Variants in SOX6 observed in about 807,000 individuals in gnomAD.
SOX6 encodes transcription factor SOX-6.
Under a neutral mutation model 97.8 loss-of-function variants are expected in SOX6, and 11 were observed. The observed-to-expected ratio is 0.11, with a 90% CI of 0.07 to 0.19. The LOEUF is 0.19. SOX6 is among the 10% of genes least tolerant of loss of function. The probability of loss-of-function intolerance (pLI) is 1.00; values close to 1 mark genes in which losing one functional copy is unlikely to be tolerated. For missense variants in SOX6, 810 were observed against 1,039.5 expected, an observed-to-expected ratio of 0.78 and a Z score of 3.04; for synonymous variants, 360 against 371.4, an observed-to-expected ratio of 0.97 and a Z score of 0.35.
intron 1 of SOX6, among the ~76,000 whole-genome samples, chr11:16,366,401 G>A: frequency 6.6e-6 from 1 of 152,072 alleles, no homozygotes; most frequent in East Asian, 1.9e-4. Context: ...ACCATAAAGA[G>A]CTATTTCAAG....
intron 6 of SOX6, among the ~76,000 whole-genome samples, chr11:16,141,826 A>G (rs558241037): frequency 6.6e-6 from 1 of 152,162 alleles, no homozygotes; most frequent in Admixed American, 6.5e-5. Context: ...GCCATTGCTG[A>G]GCCTTGAGTT....
At chr11:16,544,022 T>A (rs1284067469) in intron 4 of SOX6, among the ~76,000 whole-genome samples, 1 of 152,088 alleles carries the variant, frequency 6.6e-6, no homozygotes, top group Non-Finnish European at 1.5e-5. Flanking sequence ...AGCTACACAA[T>A]GAAATAGTAT....
At chr11:16,274,842 C>T (rs1307977611) in intron 3 of SOX6, among the ~76,000 whole-genome samples, 1 of 152,000 alleles carries the variant, frequency 6.6e-6, no homozygotes, top group Non-Finnish European at 1.5e-5. Flanking sequence ...AATTATTAGG[C>T]CTTTTGGCTT....
At chr11:16,498,295 G>C (rs1336594468) in intron 4 of SOX6, among the ~76,000 whole-genome samples, 4 of 152,128 alleles carry the variant, frequency 2.6e-5, no homozygotes, top group African/African-American at 7.2e-5. Context: ...CCCTAAAAGA[G>C]CTCCTGAAGG....
intron 4 of SOX6, among the ~76,000 whole-genome samples, chr11:16,567,733 A>ATTTTTT (rs58565035): frequency 3.1e-5 from 4 of 129,618 alleles, no homozygotes; most frequent in Admixed American, 7.7e-5. Flanking sequence ...CGCCTGGCTG[A>ATTTTTT]TTTTTTTTTT....
chr11:16,055,457 G>A (rs77618512), intron 10 of SOX6, among the ~76,000 whole-genome samples: 7,647 of 152,092 alleles, frequency 0.05, 637 homozygotes, highest in African/African-American at 0.17. Context: ...TGGCAATAAA[G>A]TCATGGCAAT....
chr11:16,153,970 A>T (rs1246695607), intron 6 of SOX6, among the ~76,000 whole-genome samples: 1 of 152,154 alleles, frequency 6.6e-6, no homozygotes, highest in Admixed American at 6.6e-5. Flanking sequence ...TGAAAACAAA[A>T]CCCATGGCTT....
At chr11:16,022,373 T>TCCTCCCTC (rs1393853893) in intron 12 of SOX6, among the ~76,000 whole-genome samples, 3 of 132,558 alleles carry the variant, frequency 2.3e-5, no homozygotes, top group African/African-American at 2.9e-5. Flanking sequence ...CTTCCTTCCT[T>TCCTCCCTC]CCTCCCTCCC....
At chr11:16,724,961 CA>C (rs1848295881) in intron 2 of SOX6, among the ~76,000 whole-genome samples, 3 of 152,114 alleles carry the variant, frequency 2.0e-5, no homozygotes, top group African/African-American at 7.2e-5. Flanking sequence ...GACAGTTCCT[CA>C]AAAAGTTAAA....
At chr11:16,567,733 A>ATTTTTTTT (rs58565035) in intron 4 of SOX6, among the ~76,000 whole-genome samples, 2 of 129,634 alleles carry the variant, frequency 1.5e-5, no homozygotes. Context: ...CGCCTGGCTG[A>ATTTTTTTT]TTTTTTTTTT....
intron 3 of SOX6, among the ~76,000 whole-genome samples, chr11:16,256,351 C>A (rs566097519): frequency 6.6e-6 from 1 of 151,930 alleles, no homozygotes; most frequent in East Asian, 1.9e-4. Flanking sequence ...GAATTATATA[C>A]CACAATCAAG....
At chr11:16,061,303 C>CA (rs67980023) in intron 9 of SOX6, among the ~76,000 whole-genome samples, 62,407 of 121,080 alleles carry the variant, frequency 0.52, 15,135 homozygotes, top group Non-Finnish European at 0.62. Flanking sequence ...ACAATAGCTA[C>CA]AAAAAAAAAA....
At chr11:16,720,173 C>T (rs368957963) in intron 2 of SOX6, among the ~76,000 whole-genome samples, 12 of 151,332 alleles carry the variant, frequency 7.9e-5, no homozygotes, top group African/African-American at 2.7e-4. Flanking sequence ...TACCATTTGA[C>T]CCAGCCATCC....
At chr11:16,010,174 A>AC (rs1818893073) in intron 13 of SOX6, among the ~76,000 whole-genome samples, 1 of 148,846 alleles carries the variant, frequency 6.7e-6, no homozygotes, top group East Asian at 2.0e-4. Flanking sequence ...ACACACACAC[A>AC]AATAAAGCTT....
intron 1 of SOX6, among the ~76,000 whole-genome samples, chr11:16,737,140 G>A (rs1848397416): frequency 6.6e-6 from 1 of 152,160 alleles, no homozygotes; most frequent in South Asian, 2.1e-4. Context: ...TAATAGCTAA[G>A]CATTGTTTCA....
chr11:16,566,127 T>G (rs1198124440), intron 4 of SOX6, among the ~76,000 whole-genome samples: 1 of 148,044 alleles, frequency 6.8e-6, no homozygotes, highest in Non-Finnish European at 1.5e-5. Context: ...ATAGACCACA[T>G]AAGCAAAAGC....
At chr11:16,091,058 T>C (rs1014949934) in intron 9 of SOX6, among the ~76,000 whole-genome samples, 2 of 152,208 alleles carry the variant, frequency 1.3e-5, no homozygotes, top group Non-Finnish European at 2.9e-5. Flanking sequence ...AAAGTTATAG[T>C]GGAAACTCTA....
chr11:16,624,914 A>G (rs1406701274), intron 3 of SOX6, among the ~76,000 whole-genome samples: 1 of 152,166 alleles, frequency 6.6e-6, no homozygotes, highest in African/African-American at 2.4e-5. Flanking sequence ...CTATTTGTGT[A>G]TAATACTTTT....
At chr11:16,432,493 T>C (rs1175927476) in intron 1 of SOX6, among the ~76,000 whole-genome samples, 1 of 152,142 alleles carries the variant, frequency 6.6e-6, no homozygotes. Flanking sequence ...AAAGGTTATT[T>C]TTCAATACGA....
Sources: allele counts gnomAD v4.1 joint callset (sites outside exome capture counted in the v4.1 genomes callset), GRCh38; gene constraint gnomAD v4.1.1; transcripts MANE v1.5; gene names NCBI Gene and HGNC (gene_info 2026-07-23, HGNC 2026-07-21).